GABRR3: variants seen among roughly 807,000 people sequenced by gnomAD.
GABRR3 encodes gamma-aminobutyric acid type A receptor subunit rho3.
Under a neutral mutation model 43.2 loss-of-function variants are expected in GABRR3, and 29 were observed. That is an observed-to-expected ratio of 0.67 (90% CI 0.50 to 0.92). GABRR3 has a LOEUF of 0.92. Ranked by LOEUF, GABRR3 falls within the 40% of genes least tolerant of loss-of-function variation. The pLI, the probability that GABRR3 is intolerant of heterozygous loss-of-function variation, is 0.00. For synonymous variants in GABRR3, 206 were observed against 195.9 expected (o/e 1.05, Z -0.43); for missense variants, 576 against 572.3 (o/e 1.01, Z -0.07).
chr3:98,002,059 T>C (rs1264520449), intron 7 of GABRR3, among the ~76,000 whole-genome samples: 1 of 152,190 alleles, frequency 6.6e-6, no homozygotes, highest in Non-Finnish European at 1.5e-5. Context: ...CCACAATATA[T>C]TGTATTGTGG....
At chr3:98,025,210 A>G (rs777580453) in intron 3 of GABRR3, among the ~76,000 whole-genome samples, 15 of 152,254 alleles carry the variant, frequency 9.9e-5, no homozygotes, top group Non-Finnish European at 2.2e-4. Context: ...TTCTTCCCCC[A>G]AAGCATGGCA....
At chr3:98,001,415 A>C in intron 8 of GABRR3, 200 bp downstream of exon 8, 5 of 579,938 alleles carry the variant, frequency 8.6e-6, no homozygotes, top group Non-Finnish European at 3.1e-6. Context: ...TTCATCCCTA[A>C]AATCCGGGTT....
rs370084870 is a variant in GABRR3 at position 98,011,677 on chromosome 3, T to A, written c.530+667A>T. 6.6e-5 allele frequency among the ~76,000 whole-genome samples: 10 copies of A among 152,164 alleles called. No homozygotes were observed. The East Asian group carries it at 1.3e-3, about 21-fold the overall frequency. On this transcript the variant is annotated intron_variant, in intron 5 of 9. Coordinates refer to ENST00000621172, the Ensembl canonical transcript of GABRR3. The stretch of plus-strand genomic sequence containing the variant: ...CCAGGAATTAGGACATGGATATCTT[T>A]TGGGGTATCATTTCTTCACCCTACT...
Position 97,988,239 on chromosome 3 carries a change from A to AGTATT in GABRR3, c.1105-1262_1105-1258dup, listed in dbSNP as rs372741271. The stretch of plus-strand genomic sequence containing the variant: ...GCATAATAGATACATCCCCAGAGAC[A>AGTATT]GTATTTTATTTTATTTTTAGTAGAG... On this transcript the variant is annotated intron_variant, in intron 9 of 9. Transcript: ENST00000621172. Among the ~76,000 whole-genome samples the AGTATT allele has an allele frequency of 7.7e-4, 117 of 152,028 alleles. 2 individuals are homozygous for AGTATT. Among genetic ancestry groups the AGTATT allele is most frequent in the Middle Eastern group, 3.4e-3 (1 of 294 alleles).
chr3:98,006,966 T>C (rs1469412643), intron 7 of GABRR3, among the ~76,000 whole-genome samples: 3 of 152,140 alleles, frequency 2.0e-5, no homozygotes, highest in Non-Finnish European at 4.4e-5. Flanking sequence ...TATGGATGGA[T>C]TCATTCAGCT....
At chr3:98,017,698 T>C (rs774386005) in exon 4 of GABRR3, 1 of 1,611,152 alleles carries the variant, frequency 6.2e-7, no homozygotes, top group Non-Finnish European at 8.5e-7. Context: ...AACATGGACA[T>C]CTATACCTAC....
At chr3:98,021,621 T>C (rs1030453982) in intron 3 of GABRR3, among the ~76,000 whole-genome samples, 1 of 152,214 alleles carries the variant, frequency 6.6e-6, no homozygotes, top group Non-Finnish European at 1.5e-5. Context: ...AATGTAACAG[T>C]GTAAATAATA....
Position 97,986,994 on chromosome 3 carries a change from CTT to C in GABRR3, c.1105-14_1105-13del. On this transcript the variant is annotated splice_polypyrimidine_tract_variant and intron_variant, in intron 9 of 9. Coordinates refer to ENST00000621172, the Ensembl canonical transcript of GABRR3. Reference sequence around the variant, plus strand: ...TACATCCTAGAAATCTGTCAAAAAACTTTTTTTTAAAGTAGGTCTTGAATATG... The same window carrying C: ...TACATCCTAGAAATCTGTCAAAAAACTTTTTTAAAGTAGGTCTTGAATATG... 1 of 1,529,798 alleles carries C rather than the reference CTT, an allele frequency of 6.5e-7. No individual in the cohort carries two copies. The highest frequency in any genetic ancestry group is 8.8e-7 in the Non-Finnish European group (1 of 1,141,470). The allele number at this position is 1,529,798 out of a possible 1,614,324, so 94.8% of individuals were successfully genotyped here. A position where few individuals can be genotyped will look rare whatever the true frequency, so the allele number is the denominator to read the frequency against.
intron 7 of GABRR3, among the ~76,000 whole-genome samples, chr3:98,005,003 G>A (rs767926153): frequency 6.6e-5 from 10 of 151,854 alleles, no homozygotes; most frequent in Admixed American, 2.0e-4. Context: ...TAATCTTTCC[G>A]AAACCTAACT....
intron 7 of GABRR3, among the ~76,000 whole-genome samples, chr3:98,004,103 T>C: frequency 6.6e-6 from 1 of 152,034 alleles, no homozygotes; most frequent in Non-Finnish European, 1.5e-5. Flanking sequence ...GGGGAGTCAG[T>C]CCCAAGACAA....
At chr3:98,009,604 C>T (rs899668216) in intron 5 of GABRR3, among the ~76,000 whole-genome samples, 4 of 152,166 alleles carry the variant, frequency 2.6e-5, no homozygotes, top group Non-Finnish European at 5.9e-5. Context: ...CTGATGAGAA[C>T]GGTTTTTTCA....
chr3:97,993,937 C>T (rs1288074695), intron 8 of GABRR3, among the ~76,000 whole-genome samples: 1 of 152,110 alleles, frequency 6.6e-6, no homozygotes, highest in African/African-American at 2.4e-5. Flanking sequence ...TAATAAAATG[C>T]TGGCCATGAG....
chr3:98,012,456 A>C (rs543956690), exon 5 of GABRR3: 1 of 1,613,976 alleles, frequency 6.2e-7, no homozygotes, highest in Admixed American at 1.7e-5. Flanking sequence ...TCAGGCACCC[A>C]GATCTTTCTG....
At chr3:98,000,948 T>C (rs1395648249) in intron 8 of GABRR3, 2 of 152,158 alleles carry the variant, frequency 1.3e-5, no homozygotes, top group African/African-American at 4.8e-5. Context: ...TCAGTGTGTG[T>C]GACAGAGGCA....
At chr3:98,028,609 G>C (rs1707050619) in intron 2 of GABRR3, among the ~76,000 whole-genome samples, 1 of 152,200 alleles carries the variant, frequency 6.6e-6, no homozygotes, top group Admixed American at 6.5e-5. Flanking sequence ...GGAAGAGGGA[G>C]AGGGATGCCT....
chr3:97,993,002 G>T, exon 9 of GABRR3: 1 of 1,612,508 alleles, frequency 6.2e-7, no homozygotes, highest in South Asian at 1.1e-5. Flanking sequence ...GCATGGAGGC[G>T]CTCACAGCAG....
intron 8 of GABRR3, 193 bp downstream of exon 8, chr3:98,001,422 G>T (rs962934387): frequency 8.6e-6 from 5 of 581,318 alleles, no homozygotes; most frequent in African/African-American, 7.5e-5. Flanking sequence ...CTAAAATCCG[G>T]GTTCCCAAGG....
At chr3:97,990,330 T>C (rs1485394577) in intron 9 of GABRR3, among the ~76,000 whole-genome samples, 2 of 152,052 alleles carry the variant, frequency 1.3e-5, no homozygotes, top group Non-Finnish European at 2.9e-5. Context: ...TGGATTTGGT[T>C]TGCCATCAAG....
rs188882170 is a variant in GABRR3, at chr3:98,021,708, C to T, written c.238+3859G>A. 7.2e-5 allele frequency among the ~76,000 whole-genome samples: 11 copies of T among 152,184 alleles called. No individual in the cohort carries two copies. In the East Asian group the frequency reaches 7.7e-4, roughly 11 times the overall value. ...AAAATTAAATAAATATTAACCATTA[C>T]GATGATTGTGTTGATTTCTCAGGAT... On this transcript the variant is annotated intron_variant, in intron 3 of 9. Transcript: ENST00000621172.
Sources: allele counts gnomAD v4.1 joint callset (sites outside exome capture counted in the v4.1 genomes callset), GRCh38; gene constraint gnomAD v4.1.1; transcripts MANE v1.5; gene names NCBI Gene and HGNC (gene_info 2026-07-23, HGNC 2026-07-21).